The following C8orf90 variants were observed in gnomAD, a reference collection of about 807,000 sequenced individuals.
C8orf90 encodes chromosome 8 open reading frame 90, also known as uncharacterized protein C8orf90.
At chr8:141,514,956 G>C in the C8orf90 span, among the ~76,000 whole-genome samples, 1 of 152,128 alleles carries the variant, frequency 6.6e-6, no homozygotes, top group Middle Eastern at 3.4e-3. Flanking sequence ...TCCCTGTAAA[G>C]GTCCTTCTCC....
At chr8:141,518,532 C>A in the C8orf90 span, 1 of 529,844 alleles carries the variant, frequency 1.9e-6, no homozygotes. Flanking sequence ...CAGCGATGCG[C>A]AAGCGGCGCC....
At chr8:141,516,266 G>A in the C8orf90 span, among the ~76,000 whole-genome samples, 4 of 152,064 alleles carry the variant, frequency 2.6e-5, no homozygotes, top group East Asian at 1.9e-4. Flanking sequence ...CTTCCCTTCC[G>A]TCTCCTGCCC....
chr8:141,518,680 C>A, the C8orf90 span: 2 of 542,236 alleles, frequency 3.7e-6, no homozygotes, highest in Non-Finnish European at 6.5e-6. Context: ...CTGGCCCAGG[C>A]CCCGCCGCTG....
At chr8:141,517,761 C>T in the C8orf90 span, among the ~76,000 whole-genome samples, 2 of 152,154 alleles carry the variant, frequency 1.3e-5, no homozygotes, top group African/African-American at 4.8e-5. Flanking sequence ...TGAAGCTGGG[C>T]CCCCAAAGTC....
chr8:141,516,484 G>A, the C8orf90 span, among the ~76,000 whole-genome samples: 3 of 152,100 alleles, frequency 2.0e-5, no homozygotes, highest in Admixed American at 1.3e-4. Context: ...GTGATGCGCC[G>A]GCAGCACACG....
the C8orf90 span, chr8:141,518,568 C>T: frequency 2.3e-6 from 1 of 428,664 alleles, no homozygotes; most frequent in Non-Finnish European, 4.0e-6. Flanking sequence ...TGAGCTGCGC[C>T]CGCGCGCGGG....
chr8:141,517,738 C>G, the C8orf90 span, among the ~76,000 whole-genome samples: 12 of 152,202 alleles, frequency 7.9e-5, no homozygotes, highest in Non-Finnish European at 1.3e-4. Flanking sequence ...TTGTCCTCCC[C>G]TGGATCTGAC....
At chr8:141,518,701 G>A in the C8orf90 span, 1 of 524,846 alleles carries the variant, frequency 1.9e-6, no homozygotes, top group South Asian at 2.5e-5. Context: ...CCCCGAGAGC[G>A]AACAGAATAA....
At chr8:141,518,097 G>C in the C8orf90 span, 1 of 509,588 alleles carries the variant, frequency 2.0e-6, no homozygotes, top group African/African-American at 2.0e-5. Context: ...GAGCTCATTC[G>C]GCGGCTCCTT....
At chr8:141,517,011 C>A in the C8orf90 span, among the ~76,000 whole-genome samples, 4 of 152,316 alleles carry the variant, frequency 2.6e-5, no homozygotes, top group African/African-American at 9.6e-5. Context: ...GCCTGCCACA[C>A]AGTAGGTGCT....
the C8orf90 span, chr8:141,518,390 C>T: frequency 3.0e-6 from 2 of 675,586 alleles, no homozygotes; most frequent in East Asian, 6.0e-5. Flanking sequence ...TTCGCCTGGC[C>T]GCCGGGGTCC....
the C8orf90 span, among the ~76,000 whole-genome samples, chr8:141,517,746 G>A: frequency 6.6e-6 from 1 of 152,166 alleles, no homozygotes; most frequent in African/African-American, 2.4e-5. Flanking sequence ...CCCTGGATCT[G>A]ACCTTGAAGC....
At chr8:141,518,465 G>A in the C8orf90 span, 1 of 654,662 alleles carries the variant, frequency 1.5e-6, no homozygotes, top group Non-Finnish European at 2.7e-6. Context: ...TTCCTGCTGC[G>A]CGGCCCCGGA....
the C8orf90 span, among the ~76,000 whole-genome samples, chr8:141,516,478 T>A: frequency 1.3e-5 from 2 of 152,200 alleles, no homozygotes; most frequent in African/African-American, 4.8e-5. Context: ...TTTGATGTGA[T>A]GCGCCGGCAG....
chr8:141,515,201 C>T, the C8orf90 span, among the ~76,000 whole-genome samples: 1 of 150,844 alleles, frequency 6.6e-6, no homozygotes, highest in African/African-American at 2.4e-5. Flanking sequence ...CACCCATCCA[C>T]CCACCCATTC....
the C8orf90 span, among the ~76,000 whole-genome samples, chr8:141,516,483 C>CG: frequency 6.6e-6 from 1 of 152,148 alleles, no homozygotes; most frequent in African/African-American, 2.4e-5. Flanking sequence ...TGTGATGCGC[C>CG]GGCAGCACAC....
At chr8:141,517,175 T>G in the C8orf90 span, among the ~76,000 whole-genome samples, 1 of 106,114 alleles carries the variant, frequency 9.4e-6, no homozygotes, top group African/African-American at 2.9e-5. Flanking sequence ...TAAAACAGAC[T>G]GAATATTGTT....
the C8orf90 span, among the ~76,000 whole-genome samples, chr8:141,517,816 T>A: frequency 6.6e-6 from 1 of 152,188 alleles, no homozygotes; most frequent in Non-Finnish European, 1.5e-5. Flanking sequence ...TGAGAGTGAC[T>A]GCTTCACCTC....
At chr8:141,516,542 T>C in the C8orf90 span, among the ~76,000 whole-genome samples, 1 of 152,058 alleles carries the variant, frequency 6.6e-6, no homozygotes, top group African/African-American at 2.4e-5. Flanking sequence ...CACTGCCCGC[T>C]CCCTCTTGGT....
Sources: allele counts gnomAD v4.1 joint callset (sites outside exome capture counted in the v4.1 genomes callset), GRCh38; gene constraint gnomAD v4.1.1; transcripts MANE v1.5; gene names NCBI Gene and HGNC (gene_info 2026-07-23, HGNC 2026-07-21).